Variants in WSB1 observed in about 807,000 individuals in gnomAD.
WSB1 encodes WD repeat and SOCS box-containing protein 1.
WSB1 carries 23 observed loss-of-function variants against 50.2 expected under a neutral mutation model. The observed-to-expected ratio is 0.46, with a 90% CI of 0.33 to 0.65. The LOEUF is 0.65. WSB1 is among the 30% of genes least tolerant of loss of function. The pLI is 0.02. For missense variants in WSB1, 492 were observed against 522.3 expected (o/e 0.94, Z 0.56); for synonymous variants, 179 against 172.0 (o/e 1.04, Z -0.32).
intron 7 of WSB1, 91 bp from the exon 8 acceptor site, chr17:27,311,418 A>C: frequency 3.2e-6 from 3 of 950,758 alleles, no homozygotes; most frequent in Non-Finnish European, 4.7e-6. Context: ...TTTGTGACTC[A>C]TAACTCAATG....
chr17:27,301,735 C>T, intron 1 of WSB1, 53 bp from the exon 2 acceptor site: 1 of 1,580,764 alleles, frequency 6.3e-7, no homozygotes, highest in Non-Finnish European at 8.7e-7. Flanking sequence ...GAAGCAGTCT[C>T]ACATGTATTG....
intron 1 of WSB1, among the ~76,000 whole-genome samples, chr17:27,296,048 G>C (rs1258543215): frequency 6.6e-6 from 1 of 152,004 alleles, no homozygotes; most frequent in African/African-American, 2.4e-5. Context: ...TGGTCAGGCT[G>C]GTCTCGAACT....
At chr17:27,306,423 C>T (rs931918409) in intron 4 of WSB1, among the ~76,000 whole-genome samples, 8 of 152,012 alleles carry the variant, frequency 5.3e-5, no homozygotes, top group African/African-American at 1.9e-4. Context: ...CCCTGTTGGC[C>T]AGGATTGTCT....
chr17:27,295,926 C>T (rs1464187474), intron 1 of WSB1, among the ~76,000 whole-genome samples: 1 of 151,926 alleles, frequency 6.6e-6, no homozygotes, highest in Non-Finnish European at 1.5e-5. Context: ...CAACCTCCGG[C>T]TCCCGGTTTC....
rs763307697 is a variant in WSB1, at chr17:27,306,803, G to T, written c.632G>T (p.Arg211Met). 10 of 1,614,128 alleles carry T rather than the reference G, an allele frequency of 6.2e-6. No homozygotes were observed. The highest frequency in any genetic ancestry group is 8.5e-6 in the Non-Finnish European group (10 of 1,180,018). ...TCAGGAAACATGATGAAAGTATTGA[G>T]GGGGCATCAGAATTGGGTGTACAGC... ...KDDGNMMKVL[R>M]GHQNWVYSCA... The change falls in exon 5 of 9, where the codon AGG becomes ATG. Residue 211 changes from arginine to methionine, a missense_variant. Transcript: ENST00000262394.
Position 27,312,213 on chromosome 17 carries a change from A to G in WSB1, c.1110A>G (p.Thr370=). 1 of 1,607,440 alleles carries G rather than the reference A, an allele frequency of 6.2e-7. No homozygotes were observed. Among genetic ancestry groups the G allele is most frequent in the Non-Finnish European group, 8.5e-7 (1 of 1,178,220 alleles). Residue 370 remains threonine (T), a synonymous_variant, in exon 9 of 9, where the codon ACA becomes ACG. Coordinates refer to ENST00000262394, the MANE Select transcript of WSB1 (RefSeq NM_015626.10). ...STDGSVLAAG[T]HDGSVYFWAT... is the part of the protein sequence containing the mutation. Reference sequence around the variant, plus strand: ...CATGTGCTTTGTTTCTGTTTAGGACACATGACGGAAGTGTGTATTTTTGGG... The same window carrying G: ...CATGTGCTTTGTTTCTGTTTAGGACGCATGACGGAAGTGTGTATTTTTGGG...
chr17:27,311,478 C>G (rs2017674233), intron 7 of WSB1, 31 bp from the exon 8 acceptor site: 1 of 1,553,952 alleles, frequency 6.4e-7, no homozygotes, highest in East Asian at 2.3e-5. Flanking sequence ...ACATTTTCTA[C>G]AAGATACTAA....
chr17:27,310,232 T>C (rs2150842828), intron 7 of WSB1, 58 bp downstream of exon 7: 7 of 1,514,376 alleles, frequency 4.6e-6, no homozygotes, highest in Non-Finnish European at 6.4e-6. Context: ...TTCTTAAGCC[T>C]TAAAGCCTTT....
At chr17:27,310,283 C>A in intron 7 of WSB1, 109 bp downstream of exon 7, 1 of 919,996 alleles carries the variant, frequency 1.1e-6, no homozygotes. Context: ...CAACACAAGC[C>A]CCTGGGAGAT....
rs186227320 is a variant in WSB1 at position 27,304,376 on chromosome 17, A to G, written c.479-404A>G. 3.4e-4 allele frequency among the ~76,000 whole-genome samples: 52 copies of G among 152,164 alleles called. 1 individual carries two copies. The highest frequency in any genetic ancestry group is 3.1e-3 in the Admixed American group (47 of 15,272). ...ACTTGTATCTTTTGAGGAGCTTAAC[A>G]TTCCTAGGCCAGGGAAATAACAAGC... On this transcript the variant is annotated intron_variant, in intron 3 of 8. Coordinates refer to ENST00000262394, the MANE Select transcript of WSB1 (RefSeq NM_015626.10).
At chr17:27,312,171 A>G (rs1355739765) in intron 8 of WSB1, 39 bp from the exon 9 acceptor site, 2 of 1,584,736 alleles carry the variant, frequency 1.3e-6, no homozygotes, top group African/African-American at 1.4e-5. Flanking sequence ...TGAAATACAT[A>G]TACTTGGGTG....
intron 1 of WSB1, 91 bp downstream of exon 1, chr17:27,294,526 G>C: frequency 6.4e-7 from 1 of 1,556,958 alleles, no homozygotes; most frequent in African/African-American, 1.4e-5. Context: ...CTCCAAGTCT[G>C]AGGGAAGAGC....
rs1362402883 is a variant in WSB1 at position 27,315,234 on chromosome 17, A to G, written c.*2865A>G. ...ATTTGAAAATGACACTGCCTCTCCT[A>G]TTTTGCCACAAGCCTGTCATTTGGA... On this transcript the variant is annotated 3_prime_UTR_variant, in exon 9 of 9. Transcript: ENST00000262394. 2 of 152,206 alleles carry G rather than the reference A, an allele frequency of 1.3e-5. No homozygotes were observed. Among genetic ancestry groups the G allele is most frequent in the East Asian group, 1.9e-4 (1 of 5,182 alleles). The allele number at this position is 152,206 out of a possible 1,614,324, so 9.4% of individuals were successfully genotyped here. A position where few individuals can be genotyped will look rare whatever the true frequency, so the allele number is the denominator to read the frequency against.
chr17:27,297,231 TC>T (rs2017015886), intron 1 of WSB1: 1 of 152,202 alleles, frequency 6.6e-6, no homozygotes, highest in African/African-American at 2.4e-5. Context: ...AGTAGCGCAG[TC>T]TCAGCTTACT....
intron 2 of WSB1, 42 bp from the exon 3 acceptor site, chr17:27,303,325 G>A: frequency 6.3e-7 from 1 of 1,599,930 alleles, no homozygotes; most frequent in Non-Finnish European, 8.5e-7. Context: ...GGAGTCCAGA[G>A]TGAATAATAA....
intron 5 of WSB1, chr17:27,307,867 C>T: frequency 6.8e-7 from 1 of 1,472,252 alleles, no homozygotes; most frequent in Non-Finnish European, 9.0e-7. Context: ...CGACCTTTAC[C>T]ATAGGATGAA....
At chr17:27,301,388 T>G (rs1005098950) in intron 1 of WSB1, among the ~76,000 whole-genome samples, 2 of 152,214 alleles carry the variant, frequency 1.3e-5, no homozygotes, top group African/African-American at 4.8e-5. Context: ...GAAACTTAAT[T>G]TGGAAGATAC....
chr17:27,310,288 G>A, intron 7 of WSB1, 114 bp downstream of exon 7: 1 of 886,824 alleles, frequency 1.1e-6, no homozygotes, highest in Non-Finnish European at 1.7e-6. Context: ...CAAGCCCCTG[G>A]GAGATTTTGT....
chr17:27,307,756 A>G (rs2017518513), intron 5 of WSB1: 5 of 1,534,770 alleles, frequency 3.3e-6, no homozygotes, highest in Non-Finnish European at 4.4e-6. Flanking sequence ...GGTGGCAGCA[A>G]TATTGGTGTG....
Sources: gnomAD v4.1 joint callset for allele counts (sites outside exome capture counted in the v4.1 genomes callset) on GRCh38, gnomAD v4.1.1 for gene constraint, MANE v1.5 for transcripts, NCBI Gene and HGNC (gene_info 2026-07-23, HGNC 2026-07-21) for gene names.